Variants in ROBO2 observed in about 807,000 individuals in gnomAD.
The protein encoded by ROBO2 is roundabout guidance receptor 2.
Under a neutral mutation model 160.8 loss-of-function variants are expected in ROBO2, and 53 were observed. That is an observed-to-expected ratio of 0.33 (90% CI 0.26 to 0.41). ROBO2 has a LOEUF of 0.41. ROBO2 is among the 10% of genes least tolerant of loss of function. ROBO2 has a pLI of 1.00. For synonymous variants in ROBO2, 664 were observed against 611.7 expected (o/e 1.09, Z -1.26); for missense variants, 1,577 against 1,722.4 (o/e 0.92, Z 1.49).
At chr3:76,140,896 C>T (rs2071607758) in intron 2 of ROBO2, among the ~76,000 whole-genome samples, 1 of 148,854 alleles carries the variant, frequency 6.7e-6, no homozygotes, top group Admixed American at 6.8e-5. Context: ...ATATGAGATG[C>T]ACTGAAACGG....
chr3:76,281,873 CCCAAAGAT>C (rs975229046), intron 2 of ROBO2, among the ~76,000 whole-genome samples: 12 of 151,948 alleles, frequency 7.9e-5, no homozygotes, highest in African/African-American at 2.7e-4. Context: ...CTTAGGCTGA[CCCAAAGAT>C]CCAAAGATAA....
At chr3:76,858,731 A>G (rs1024114839) in intron 2 of ROBO2, among the ~76,000 whole-genome samples, 12 of 152,236 alleles carry the variant, frequency 7.9e-5, no homozygotes, top group African/African-American at 2.9e-4. Flanking sequence ...TGAAAATGAT[A>G]CAATGCAAAC....
chr3:77,568,433 C>T lies in ROBO2; in HGVS notation c.1970C>T (p.Thr657Met), dbSNP rs756826211. 49 of 1,612,490 alleles carry T rather than the reference C, an allele frequency of 3.0e-5. No individual in the cohort carries two copies. The highest frequency in any genetic ancestry group is 3.3e-4 in the Middle Eastern group (2 of 6,072). ...CCCACCACGGTTCAGGTCACATGGA[C>T]GGTAAGCTTTCAAAGGCAATGTTAA... The change falls in exon 13 of 26, where the codon ACG becomes ATG. Residue 657 changes from threonine to methionine, a missense_variant and splice_region_variant. Thr to Met is a moderately conservative substitution (Grantham distance 81). This residue lies in a region of ROBO2 where 940 missense variants were observed against 1,135.5 expected (regional missense o/e 0.83). Transcript: ENST00000461745.
At chr3:77,111,125 T>G (rs991259347) in intron 2 of ROBO2, among the ~76,000 whole-genome samples, 3 of 152,188 alleles carry the variant, frequency 2.0e-5, no homozygotes, top group African/African-American at 7.2e-5. Flanking sequence ...CTTTAATTCT[T>G]TTAAAGATCT....
intron 2 of ROBO2, among the ~76,000 whole-genome samples, chr3:76,389,317 AAC>A (rs1166810750): frequency 1.3e-5 from 2 of 152,234 alleles, no homozygotes; most frequent in Non-Finnish European, 2.9e-5. Flanking sequence ...ATCACACAAT[AAC>A]ACATAGTTTA....
chr3:76,837,497 C>T (rs2067807770), intron 2 of ROBO2, among the ~76,000 whole-genome samples: 1 of 151,204 alleles, frequency 6.6e-6, no homozygotes, highest in African/African-American at 2.4e-5. Context: ...TATCATTTTA[C>T]ATAGTTTTTT....
intron 2 of ROBO2, among the ~76,000 whole-genome samples, chr3:77,363,301 A>T (rs1046096137): frequency 1.3e-5 from 2 of 152,190 alleles, no homozygotes; most frequent in African/African-American, 4.8e-5. Context: ...CAAGAAGATT[A>T]TTGTTGAAGG....
At chr3:77,442,503 A>C (rs2080056082) in intron 2 of ROBO2, among the ~76,000 whole-genome samples, 2 of 152,160 alleles carry the variant, frequency 1.3e-5, no homozygotes, top group South Asian at 4.1e-4. Flanking sequence ...ATAAAACATA[A>C]TTAAATAGTA....
intron 1 of ROBO2, among the ~76,000 whole-genome samples, chr3:77,055,759 GGTTT>G (rs147756436): frequency 0.014 from 2,119 of 152,060 alleles, 51 homozygotes; most frequent in African/African-American, 0.047. Flanking sequence ...ATTCCTGATT[GGTTT>G]ATTTCTGTAA....
chr3:76,491,471 C>T (rs1200500652), intron 2 of ROBO2, among the ~76,000 whole-genome samples: 1 of 152,092 alleles, frequency 6.6e-6, no homozygotes, highest in African/African-American at 2.4e-5. Flanking sequence ...TACTGGAGAA[C>T]TAGCTGCATT....
chr3:77,596,699 G>A (rs765797499), exon 19 of ROBO2: 1 of 1,613,680 alleles, frequency 6.2e-7, no homozygotes, highest in South Asian at 1.1e-5. Context: ...GAGCTTGCCA[G>A]TAAATAATAG....
intron 2 of ROBO2, among the ~76,000 whole-genome samples, chr3:76,538,801 G>T (rs1373097548): frequency 2.0e-5 from 3 of 152,016 alleles, no homozygotes; most frequent in African/African-American, 7.3e-5. Flanking sequence ...ATGTCCATGT[G>T]TACCCAGTAT....
chr3:76,768,847 T>G (rs2061717909), intron 2 of ROBO2, among the ~76,000 whole-genome samples: 1 of 151,330 alleles, frequency 6.6e-6, no homozygotes, highest in African/African-American at 2.4e-5. Flanking sequence ...ATAATTATTT[T>G]TTCATTGGCT....
At chr3:76,615,670 G>T (rs1210984958) in intron 2 of ROBO2, among the ~76,000 whole-genome samples, 1 of 152,174 alleles carries the variant, frequency 6.6e-6, no homozygotes, top group East Asian at 1.9e-4. Context: ...AATAAATACA[G>T]TTACATAGTT....
intron 2 of ROBO2, among the ~76,000 whole-genome samples, chr3:76,740,243 G>T (rs138586163): frequency 6.6e-6 from 1 of 152,132 alleles, no homozygotes; most frequent in African/African-American, 2.4e-5. Context: ...TGAAAACCTC[G>T]AATGGTAACT....
At chr3:76,523,923 A>G (rs2081781115) in intron 2 of ROBO2, among the ~76,000 whole-genome samples, 1 of 151,970 alleles carries the variant, frequency 6.6e-6, no homozygotes, top group South Asian at 2.1e-4. Flanking sequence ...CTGGAAAACA[A>G]TGATTTCAAG....
rs142124446 is a variant in ROBO2 at position 76,717,067 on chromosome 3, G to A, written c.110-380947G>A. Among the ~76,000 whole-genome samples, 100 of 152,260 alleles carry A rather than the reference G, an allele frequency of 6.6e-4. 1 individual carries two copies. The highest frequency in any genetic ancestry group is 3.9e-3 in the East Asian group (20 of 5,182). ...TGTTGATGTGAAGGTGATATCTGGC[G>A]TAAGTTTTGTAGCCACAGAGAAGAC... On this transcript the variant is annotated intron_variant, in intron 2 of 26. Coordinates refer to the ROBO2 transcript ENST00000487694.
intron 2 of ROBO2, among the ~76,000 whole-genome samples, chr3:76,403,240 C>T (rs2077944375): frequency 6.6e-6 from 1 of 151,550 alleles, no homozygotes; most frequent in African/African-American, 2.4e-5. Context: ...AAGAGCAGAT[C>T]ATTCAGCAAG....
chr3:76,142,748 T>C (rs1404915739), intron 2 of ROBO2, among the ~76,000 whole-genome samples: 2 of 151,814 alleles, frequency 1.3e-5, no homozygotes, highest in African/African-American at 2.4e-5. Flanking sequence ...GATGGCACGA[T>C]AGGGTGACTA....
Sources: gnomAD v4.1 joint callset for allele counts (sites outside exome capture counted in the v4.1 genomes callset) on GRCh38, gnomAD v4.1.1 for gene constraint, gnomAD v4.1.1 regional missense constraint, MANE v1.5 for transcripts, NCBI Gene and HGNC (gene_info 2026-07-23, HGNC 2026-07-21) for gene names.